OSBP2: variants seen among roughly 807,000 people sequenced by gnomAD.
OSBP2 encodes oxysterol binding protein 2, also known as oxysterol-binding protein 2.
In OSBP2, 66 loss-of-function variants were observed where a neutral mutation model predicts 96.0. That is an observed-to-expected ratio of 0.69 (90% CI 0.56 to 0.84). OSBP2 has a LOEUF of 0.84. OSBP2 is among the 40% of genes least tolerant of loss of function. The pLI is 0.00. For missense variants in OSBP2, 1,038 were observed against 1,222.7 expected, an observed-to-expected ratio of 0.85 and a Z score of 2.25; for synonymous variants, 525 against 520.9, an observed-to-expected ratio of 1.01 and a Z score of -0.11.
At chr22:30,812,072 C>G (rs1363483269) in intron 2 of OSBP2, among the ~76,000 whole-genome samples, 4 of 151,266 alleles carry the variant, frequency 2.6e-5, no homozygotes, top group Non-Finnish European at 5.9e-5. Context: ...CCAGGCTGGT[C>G]TTGAACTCCT....
intron 2 of OSBP2, among the ~76,000 whole-genome samples, chr22:30,754,961 C>T (rs180717824): frequency 2.0e-5 from 3 of 152,330 alleles, no homozygotes; most frequent in East Asian, 1.9e-4. Context: ...AAAAACTCCC[C>T]GTCCTTGACC....
At chr22:30,742,334 A>G (rs1391664966) in intron 2 of OSBP2, among the ~76,000 whole-genome samples, 1 of 151,674 alleles carries the variant, frequency 6.6e-6, no homozygotes, top group African/African-American at 2.4e-5. Flanking sequence ...CAGGAGGCTG[A>G]GGCAGGAGAA....
At chr22:30,841,620 C>T (rs1602343027) in intron 2 of OSBP2, among the ~76,000 whole-genome samples, 1 of 152,244 alleles carries the variant, frequency 6.6e-6, no homozygotes, top group African/African-American at 2.4e-5. Flanking sequence ...TTTCCTGATG[C>T]ATATTAAAGT....
At chr22:30,724,215 TTTTGTTTG>T (rs769921993) in intron 1 of OSBP2, among the ~76,000 whole-genome samples, 4 of 151,910 alleles carry the variant, frequency 2.6e-5, no homozygotes, top group Non-Finnish European at 5.9e-5. Context: ...CATGTCTGGT[TTTTGTTTG>T]TTTGTTTGTT....
intron 2 of OSBP2, among the ~76,000 whole-genome samples, chr22:30,803,670 T>A (rs2090887023): frequency 6.6e-6 from 1 of 152,166 alleles, no homozygotes; most frequent in Non-Finnish European, 1.5e-5. Context: ...CCTTCCAGTC[T>A]CCGTAGGCAC....
chr22:30,779,081 G>A (rs1480923516), intron 2 of OSBP2, among the ~76,000 whole-genome samples: 1 of 150,758 alleles, frequency 6.6e-6, no homozygotes, highest in Non-Finnish European at 1.5e-5. Context: ...AAGTTTTTTG[G>A]TGTATATATA....
At chr22:30,780,216 G>C (rs1602253340) in intron 2 of OSBP2, among the ~76,000 whole-genome samples, 1 of 152,222 alleles carries the variant, frequency 6.6e-6, no homozygotes, top group Non-Finnish European at 1.5e-5. Context: ...ACCATTTCCT[G>C]CACCCCAGTG....
At chr22:30,863,014 G>A (rs1336390756) in intron 2 of OSBP2, among the ~76,000 whole-genome samples, 7 of 151,890 alleles carry the variant, frequency 4.6e-5, no homozygotes, top group Non-Finnish European at 7.4e-5. Flanking sequence ...TTGGGGTCTT[G>A]GGCAGGCTCC....
chr22:30,723,512 C>T (rs987162129), intron 1 of OSBP2, among the ~76,000 whole-genome samples: 4 of 151,970 alleles, frequency 2.6e-5, no homozygotes, highest in Admixed American at 2.0e-4. Context: ...CTCCCAAGTT[C>T]GAGCGATTCT....
At chr22:30,819,521 C>G (rs2146973731) in intron 2 of OSBP2, among the ~76,000 whole-genome samples, 1 of 152,322 alleles carries the variant, frequency 6.6e-6, no homozygotes, top group Admixed American at 6.5e-5. Context: ...TCAACTAAGA[C>G]TTTGCAGCTA....
rs569812180 is a variant in OSBP2, at chr22:30,855,664, T to C, written c.854-14765T>C. The stretch of plus-strand genomic sequence containing the variant: ...CCCTTCAAAGCCTCATGGCCCCCAC[T>C]ACATGCTAATCAGAGCCTGTCTCTT... On this transcript the variant is annotated intron_variant, in intron 2 of 13. Transcript: ENST00000332585. 1.4e-3 allele frequency among the ~76,000 whole-genome samples: 219 copies of C among 152,304 alleles called. 1 individual carries two copies. The highest frequency in any genetic ancestry group is 5.0e-3 in the African/African-American group (208 of 41,562).
intron 1 of OSBP2, among the ~76,000 whole-genome samples, chr22:30,730,812 T>A (rs1227960519): frequency 0.013 from 618 of 48,096 alleles, 30 homozygotes; most frequent in East Asian, 0.019. Flanking sequence ...ATATATAATT[T>A]TTTTTTTTTT....
chr22:30,803,104 A>G (rs377538694), intron 2 of OSBP2: 5 of 207,298 alleles, frequency 2.4e-5, no homozygotes, highest in East Asian at 1.7e-4. Context: ...CGGCGGCGGC[A>G]GCAGCAGCAG....
intron 2 of OSBP2, among the ~76,000 whole-genome samples, chr22:30,772,789 A>G (rs1602242117): frequency 8.1e-6 from 1 of 124,166 alleles, no homozygotes; most frequent in African/African-American, 3.3e-5. Context: ...CTCTTGTTAA[A>G]CGCATTTTTT....
chr22:30,872,531 C>A, intron 3 of OSBP2: 2 of 368,974 alleles, frequency 5.4e-6, no homozygotes, highest in African/African-American at 2.1e-5. Context: ...GAAGCACAAC[C>A]CCCTGGGGTT....
At chr22:30,805,990 G>A (rs893985825) in intron 2 of OSBP2, among the ~76,000 whole-genome samples, 6 of 152,198 alleles carry the variant, frequency 3.9e-5, no homozygotes, top group African/African-American at 9.7e-5. Flanking sequence ...TTCCTCCAAC[G>A]ATATGTGTCT....
chr22:30,849,175 G>T (rs2038929459), intron 2 of OSBP2, among the ~76,000 whole-genome samples: 2 of 152,088 alleles, frequency 1.3e-5, no homozygotes, highest in Non-Finnish European at 2.9e-5. Context: ...GGCTGAGGTG[G>T]GAGGATTGCT....
At chr22:30,754,703 G>A (rs1569110001) in intron 2 of OSBP2, among the ~76,000 whole-genome samples, 1 of 152,100 alleles carries the variant, frequency 6.6e-6, no homozygotes, top group Non-Finnish European at 1.5e-5. Flanking sequence ...GTCCTGCCCC[G>A]CCGGCCTCAT....
chr22:30,722,603 ATCTT>A (rs1328588895), intron 1 of OSBP2, among the ~76,000 whole-genome samples: 3 of 151,870 alleles, frequency 2.0e-5, no homozygotes, highest in Non-Finnish European at 2.9e-5. Context: ...CAAGATCCTG[ATCTT>A]TCTTTCTTTT....
Sources: gnomAD v4.1 joint callset for allele counts (sites outside exome capture counted in the v4.1 genomes callset) on GRCh38, gnomAD v4.1.1 for gene constraint, MANE v1.5 for transcripts, NCBI Gene and HGNC (gene_info 2026-07-23, HGNC 2026-07-21) for gene names.